HUWE1: variants seen among roughly 807,000 people sequenced by gnomAD.
HUWE1 encodes the protein E3 ubiquitin-protein ligase HUWE1.
HUWE1 carries 18 observed loss-of-function variants against 299.4 expected under a neutral mutation model. That is an observed-to-expected ratio of 0.06 (90% CI 0.04 to 0.09). The LOEUF (loss-of-function observed/expected upper bound fraction) is 0.09, where lower values mean the gene tolerates loss of function less well. Among genes scored for constraint, HUWE1 ranks in the 10% least tolerant of loss-of-function variants. HUWE1 has a pLI of 1.00. For synonymous variants in HUWE1, 1,317 were observed against 1,286.1 expected (o/e 1.02, Z -0.51); for missense variants, 1,832 against 3,462.3 (o/e 0.53, Z 11.82).
chrX:53,576,782 G>A, intron 44 of HUWE1, 118 bp downstream of exon 44: 1 of 677,829 alleles, frequency 1.5e-6, no homozygotes, highest in South Asian at 2.4e-5. Flanking sequence ...TATTCATCTT[G>A]AGCCCCAGAG....
At chrX:53,623,218 G>A (rs1557013825) in intron 19 of HUWE1, among the ~76,000 whole-genome samples, 1 of 111,010 alleles carries the variant, frequency 9.0e-6, no homozygotes, top group African/African-American at 3.3e-5. Flanking sequence ...CCTGTCAATG[G>A]CAATTGCTCC....
Position 53,539,823 on chromosome X carries a change from C to T in HUWE1, c.11477-11G>A, listed in dbSNP as rs1556916951. 1 of 1,203,099 alleles carries T rather than the reference C, an allele frequency of 8.3e-7. No individual in the cohort carries two copies. The highest frequency in any genetic ancestry group is 1.8e-5 in the South Asian group (1 of 55,730). On this transcript the variant is annotated splice_polypyrimidine_tract_variant and intron_variant, in intron 74 of 83. Coordinates refer to ENST00000262854, the MANE Select transcript of HUWE1 (RefSeq NM_031407.7). Reference sequence around the variant, plus strand: ...GGGTTCCATCGGAGGCTGGAGGGCACACAGAAGAGAGTCAGAAAGTCTTCA... The same window carrying T: ...GGGTTCCATCGGAGGCTGGAGGGCATACAGAAGAGAGTCAGAAAGTCTTCA...
intron 72 of HUWE1, 63 bp from the exon 73 acceptor site, chrX:53,544,031 C>T (rs1315759601): frequency 7.0e-6 from 7 of 1,004,555 alleles, no homozygotes; most frequent in African/African-American, 1.9e-5. Flanking sequence ...GCCCAATATT[C>T]TCTCTCCTAT....
intron 47 of HUWE1, among the ~76,000 whole-genome samples, chrX:53,573,243 C>T (rs1271294969): frequency 9.0e-6 from 1 of 111,334 alleles, no homozygotes; most frequent in Non-Finnish European, 1.9e-5. Flanking sequence ...CTAGCTCTTT[C>T]AGGTTTTTTT....
At chrX:53,586,118 C>T (rs2063845598) in intron 39 of HUWE1, among the ~76,000 whole-genome samples, 1 of 112,276 alleles carries the variant, frequency 8.9e-6, no homozygotes, top group Admixed American at 9.4e-5. Context: ...TTTGTTTCTA[C>T]TGATTTTCCC....
intron 7 of HUWE1, among the ~76,000 whole-genome samples, chrX:53,638,546 G>A (rs1359585542): frequency 9.0e-6 from 1 of 111,552 alleles, no homozygotes; most frequent in African/African-American, 3.3e-5. Context: ...AAGGCTTGAT[G>A]CTCTCTAAGA....
chrX:53,590,826 T>C (rs781785749), intron 34 of HUWE1, among the ~76,000 whole-genome samples, 174 bp downstream of exon 34: 5 of 112,262 alleles, frequency 4.5e-5, no homozygotes, highest in Non-Finnish European at 9.4e-5. Context: ...GTAATTTGTA[T>C]TGCTGGGGGA....
chrX:53,682,082 A>T (rs1720643191), intron 2 of HUWE1, among the ~76,000 whole-genome samples: 1 of 112,508 alleles, frequency 8.9e-6, no homozygotes, highest in Non-Finnish European at 1.9e-5. Context: ...TTAAAGAAAC[A>T]AAAATCTCTT....
At chrX:53,617,690 A>G (rs1253623813) in intron 19 of HUWE1, among the ~76,000 whole-genome samples, 8 of 111,429 alleles carry the variant, frequency 7.2e-5, no homozygotes, top group African/African-American at 2.6e-4. Context: ...ACTGTTTTAT[A>G]TATTTTGCTT....
At chrX:53,578,861 T>C (rs1301153751) in intron 43 of HUWE1, among the ~76,000 whole-genome samples, 1 of 54,202 alleles carries the variant, frequency 1.8e-5, no homozygotes, top group African/African-American at 7.7e-5. Context: ...AGGTGGGGGG[T>C]CAGCCCCCCG....
intron 29 of HUWE1, among the ~76,000 whole-genome samples, chrX:53,597,024 A>G (rs906057580): frequency 2.4e-4 from 27 of 112,343 alleles, no homozygotes; most frequent in African/African-American, 8.1e-4. Context: ...TGGGTACAGG[A>G]TTGCCATAAT....
chrX:53,610,535 C>T (rs781983839), intron 23 of HUWE1, among the ~76,000 whole-genome samples: 1 of 112,051 alleles, frequency 8.9e-6, no homozygotes, highest in South Asian at 3.7e-4. Flanking sequence ...AACATACACA[C>T]ATTCCCAAAC....
At chrX:53,683,003 A>G (rs988702487) in intron 2 of HUWE1, among the ~76,000 whole-genome samples, 2 of 111,815 alleles carry the variant, frequency 1.8e-5, no homozygotes, top group Non-Finnish European at 3.8e-5. Context: ...TCAGAGTCAT[A>G]CAAACATGAA....
chrX:53,636,428 T>C (rs1202003354), intron 7 of HUWE1, among the ~76,000 whole-genome samples: 2 of 112,899 alleles, frequency 1.8e-5, no homozygotes, highest in Admixed American at 1.9e-4. Context: ...TTAAGATGTT[T>C]AACAGACGGC....
At position 53,551,132 on chromosome X, in the gene HUWE1, A is replaced by C; in HGVS notation, c.9154T>G (p.Ser3052Ala). 1 of 1,211,795 alleles carries C rather than the reference A, an allele frequency of 8.3e-7. No individual in the cohort carries two copies. The highest frequency in any genetic ancestry group is 1.8e-5 in the South Asian group (1 of 57,001). The stretch of plus-strand genomic sequence containing the variant: ...GTCACAGGGTCCATAGGGGTGTCTG[A>C]GCTGGCATTCTGTGCTAGTTCTCGT... ...QRRELAQNAS[S>A]DTPMDPVTFI... is the part of the protein sequence containing the mutation. Residue 3052 changes from serine to alanine, a missense_variant, in exon 65 of 84, where the codon TCA becomes GCA. Transcript: ENST00000262854.
intron 30 of HUWE1, 60 bp from the exon 31 acceptor site, chrX:53,594,681 G>C (rs1556983176): frequency 8.8e-7 from 1 of 1,137,018 alleles, no homozygotes; most frequent in African/African-American, 1.8e-5. Context: ...AGAAGCAATA[G>C]GAAATTCATG....
chrX:53,635,284 A>G (rs2067137036), intron 7 of HUWE1, among the ~76,000 whole-genome samples: 1 of 110,027 alleles, frequency 9.1e-6, no homozygotes, highest in Non-Finnish European at 1.9e-5. Flanking sequence ...AAATTTATAA[A>G]AATAAAAATT....
chrX:53,552,733 TGCTCTGGGCTGCTCAGAACTGCCA>T lies in HUWE1; in HGVS notation c.8631_8654del (p.Glu2881_Ser2888del). The T allele has an allele frequency of 8.3e-7, 1 of 1,211,699 alleles. No homozygotes were observed. The highest frequency in any genetic ancestry group is 2.2e-5 in the Admixed American group (1 of 46,017). On this transcript the variant is annotated inframe_deletion, in exon 62 of 84. Transcript: ENST00000262854. The stretch of plus-strand genomic sequence containing the variant: ...GGGCATCCCCAGGAGTGGAGCTGCC[TGCTCTGGGCTGCTCAGAACTGCCA>T]GCTGCTGAAGTGTCACCCACAGCCT...
At chrX:53,602,333 T>TG (rs1207643205) in intron 28 of HUWE1, among the ~76,000 whole-genome samples, 2 of 19,073 alleles carry the variant, frequency 1.0e-4, no homozygotes, top group Non-Finnish European at 1.9e-4. Flanking sequence ...ACTTCCAAAA[T>TG]GTTTTTTTTT....
Sources: allele counts gnomAD v4.1 joint callset (sites outside exome capture counted in the v4.1 genomes callset), GRCh38; gene constraint gnomAD v4.1.1; transcripts MANE v1.5; gene names NCBI Gene and HGNC (gene_info 2026-07-23, HGNC 2026-07-21).